Variants in KLRK1 observed in about 807,000 individuals in gnomAD.
The protein encoded by KLRK1 is killer cell lectin like receptor K1.
KLRK1 carries 40 observed loss-of-function variants against 31.3 expected under a neutral mutation model. That is an observed-to-expected ratio of 1.28 (90% CI 0.99 to 1.67). The LOEUF (loss-of-function observed/expected upper bound fraction) is 1.67, where lower values mean the gene tolerates loss of function less well. KLRK1 is among the 40% of genes most tolerant of loss of function. The probability of loss-of-function intolerance (pLI) is 0.00; values close to 1 mark genes in which losing one functional copy is unlikely to be tolerated. For synonymous variants in KLRK1, 77 were observed against 77.3 expected (o/e 1.00, Z 0.02); for missense variants, 251 against 260.0 (o/e 0.97, Z 0.24).
At chr12:10,388,541 T>C (rs1161175584) in intron 2 of KLRK1, among the ~76,000 whole-genome samples, 1 of 152,176 alleles carries the variant, frequency 6.6e-6, no homozygotes, top group Middle Eastern at 3.2e-3. Flanking sequence ...TGTCCCAAGT[T>C]GTGAGCGACT....
chr12:10,386,160 T>C (rs1350178402), intron 3 of KLRK1, among the ~76,000 whole-genome samples: 4 of 151,992 alleles, frequency 2.6e-5, no homozygotes, highest in Admixed American at 6.6e-5. Flanking sequence ...TTCTTAGGTC[T>C]TGCTATGAGA....
intron 4 of KLRK1, 54 bp from the exon 5 acceptor site, chr12:10,379,536 TA>T: frequency 7.5e-7 from 1 of 1,328,118 alleles, no homozygotes; most frequent in Non-Finnish European, 1.0e-6. Flanking sequence ...ACTTATAGTA[TA>T]AGCAAATATA....
At chr12:10,379,568 A>G in intron 4 of KLRK1, 86 bp from the exon 5 acceptor site, 1 of 1,310,692 alleles carries the variant, frequency 7.6e-7, no homozygotes. Flanking sequence ...TTCTGGACTA[A>G]TAGCAAAAAT....
Position 10,373,059 on chromosome 12 carries a change from C to A in KLRK1, c.*55G>T. ...CCTTTAGTCTCAGTTGGCAGTGTTA[C>A]CGCTGGTGTAATCTCTTCTCTGTTC... On this transcript the variant is annotated 3_prime_UTR_variant, in exon 8 of 8. Coordinates refer to ENST00000240618, the MANE Select transcript of KLRK1 (RefSeq NM_007360.4). The A allele has an allele frequency of 2.7e-6, 4 of 1,492,556 alleles. No homozygotes were observed. The East Asian group carries it at 9.2e-5, about 34-fold the overall frequency. The allele number at this position is 1,492,556 out of a possible 1,614,324, so 92.5% of individuals were successfully genotyped here.
chr12:10,372,980 G>A lies in KLRK1; in HGVS notation c.*134C>T, dbSNP rs1265687118. The stretch of plus-strand genomic sequence containing the variant: ...AAATTGTTCTATGGTTTGGTCCTGT[G>A]GAGTCTAAGAAATCTGACAGTCTTT... On this transcript the variant is annotated 3_prime_UTR_variant, in exon 8 of 8. Transcript: ENST00000240618. 5.5e-6 allele frequency: 4 copies of A among 727,036 alleles called. No individual in the cohort carries two copies. The Admixed American group carries it at 8.6e-5, about 16-fold the overall frequency. The allele number at this position is 727,036 out of a possible 1,614,324, so 45.0% of individuals were successfully genotyped here. A position where few individuals can be genotyped will look rare whatever the true frequency, so the allele number is the denominator to read the frequency against.
intron 7 of KLRK1, among the ~76,000 whole-genome samples, chr12:10,374,808 C>G (rs140710895): frequency 1.9e-4 from 29 of 152,294 alleles, no homozygotes; most frequent in African/African-American, 6.3e-4. Flanking sequence ...GTAACTACAT[C>G]TCTGACTAGA....
At chr12:10,387,098 T>C in intron 2 of KLRK1, 88 bp from the exon 3 acceptor site, 3 of 897,378 alleles carry the variant, frequency 3.3e-6, no homozygotes, top group Non-Finnish European at 5.1e-6. Flanking sequence ...GCCATTTCCA[T>C]CTATGTACTT....
At chr12:10,373,641 GAAAAT>G (rs1343993550) in intron 7 of KLRK1, among the ~76,000 whole-genome samples, 1 of 152,126 alleles carries the variant, frequency 6.6e-6, no homozygotes, top group Non-Finnish European at 1.5e-5. Context: ...GTAAGGAAAT[GAAAAT>G]AAAATTTCAA....
rs1008917191 is a variant in KLRK1, at chr12:10,387,110, C to T, written c.41-100G>A. 40 of 735,484 alleles carry T rather than the reference C, an allele frequency of 5.4e-5. No individual in the cohort carries two copies. The African/African-American group carries it at 6.5e-4, about 12-fold the overall frequency. 45.6% of individuals were successfully genotyped at this position (735,484 alleles called of 1,614,324 possible). A position where few individuals can be genotyped will look rare whatever the true frequency, so the allele number is the denominator to read the frequency against. ...CTTGCCATTTCCATCTATGTACTTC[C>T]CCTGACTATCCTTTTTAAAGTACAA... On this transcript the variant is annotated intron_variant, in intron 2 of 7. Transcript: ENST00000240618.
chr12:10,384,851 A>G (rs966420747), intron 3 of KLRK1, among the ~76,000 whole-genome samples: 2 of 152,086 alleles, frequency 1.3e-5, no homozygotes, highest in Admixed American at 6.6e-5. Flanking sequence ...TATTCCTCTA[A>G]CAAGAGACCA....
At chr12:10,385,039 TATC>T (rs1256505995) in intron 3 of KLRK1, among the ~76,000 whole-genome samples, 1 of 151,956 alleles carries the variant, frequency 6.6e-6, no homozygotes, top group Non-Finnish European at 1.5e-5. Context: ...CCACAATGAA[TATC>T]ATCTCACCCT....
In KLRK1 at chr12:10,379,721, A is replaced by G. The variant is rs761718210; in HGVS notation, c.220T>C (p.Trp74Arg). The G allele has an allele frequency of 2.5e-5, 41 of 1,611,638 alleles. No homozygotes were observed. The highest frequency in any genetic ancestry group is 1.3e-4 in the East Asian group (6 of 44,756). Reference protein sequence around the residue: ...GIRFIIMVTIWSAVFLNSLFN... With the variant: ...GIRFIIMVTIRSAVFLNSLFN... ...TTACAGTTTAGGAATACAGCACTCC[A>G]TATTGTTACCATAATAATGAAACGG... is the stretch of plus-strand genomic sequence containing the variant. The change falls in exon 4 of 8, where the codon TGG becomes CGG. Residue 74 changes from tryptophan to arginine, a missense_variant. Trp to Arg is a moderately radical substitution (Grantham distance 101). Transcript: ENST00000240618.
Position 10,383,605 on chromosome 12 carries a change from A to G in KLRK1, c.148+3298T>C, listed in dbSNP as rs554299754. Among the ~76,000 whole-genome samples, 16 of 152,206 alleles carry G rather than the reference A, an allele frequency of 1.1e-4. No individual in the cohort carries two copies. The East Asian group carries it at 3.1e-3, about 29-fold the overall frequency. On this transcript the variant is annotated intron_variant, in intron 3 of 7. Transcript: ENST00000240618. ...AATGGACAGATCATTCAGGCAGAAA[A>G]TCATAAAAGAAACATCAGAGTAAAA...
chr12:10,376,644 A>G (rs2137804264), intron 7 of KLRK1, among the ~76,000 whole-genome samples: 1 of 152,310 alleles, frequency 6.6e-6, no homozygotes. Flanking sequence ...ATAAGAAGAC[A>G]GTAAATAATA....
chr12:10,386,756 A>G (rs911904432), intron 3 of KLRK1, 147 bp downstream of exon 3: 2 of 353,804 alleles, frequency 5.7e-6, no homozygotes, highest in Admixed American at 4.8e-5. Context: ...ATTTTATTAT[A>G]TATTTTAATA....
At chr12:10,375,740 T>C (rs1298647841) in intron 7 of KLRK1, among the ~76,000 whole-genome samples, 1 of 152,196 alleles carries the variant, frequency 6.6e-6, no homozygotes, top group Non-Finnish European at 1.5e-5. Flanking sequence ...TACTGAACAG[T>C]GTAGTGACAG....
intron 3 of KLRK1, among the ~76,000 whole-genome samples, chr12:10,386,073 T>C (rs1004796795): frequency 6.6e-6 from 1 of 151,896 alleles, no homozygotes; most frequent in East Asian, 1.9e-4. Context: ...AGCTGCATTG[T>C]ATTTCACTGA....
At chr12:10,389,845 A>G (rs1863242110) in intron 1 of KLRK1, 98 bp downstream of exon 1, 1 of 152,156 alleles carries the variant, frequency 6.6e-6, no homozygotes, top group Admixed American at 6.5e-5. Flanking sequence ...AACAATTAGA[A>G]TTACCTTATA....
chr12:10,385,313 C>T (rs1192342820), intron 3 of KLRK1, among the ~76,000 whole-genome samples: 1 of 149,944 alleles, frequency 6.7e-6, no homozygotes, highest in African/African-American at 2.5e-5. Flanking sequence ...TCACAATAGC[C>T]AAGATATGGA....
Sources: allele counts gnomAD v4.1 joint callset (sites outside exome capture counted in the v4.1 genomes callset), GRCh38; gene constraint gnomAD v4.1.1; transcripts MANE v1.5; gene names NCBI Gene and HGNC (gene_info 2026-07-23, HGNC 2026-07-21).